Variants in ACYP2 observed in about 807,000 individuals in gnomAD.
The protein encoded by ACYP2 is acylphosphatase-2.
ACYP2 carries 12 observed loss-of-function variants against 11.2 expected under a neutral mutation model. The ratio of observed to expected loss-of-function variants is 1.08; its 90% CI spans 0.69 to 1.74. The LOEUF is 1.74. ACYP2 is among the 40% of genes most tolerant of loss of function. The pLI is 0.00. For synonymous variants in ACYP2, 43 were observed against 32.2 expected, an observed-to-expected ratio of 1.33 and a Z score of -1.13; for missense variants, 134 against 101.9, an observed-to-expected ratio of 1.31 and a Z score of -1.35.
intron 2 of ACYP2, among the ~76,000 whole-genome samples, chr2:54,021,467 C>A (rs1052221920): frequency 1.3e-5 from 2 of 152,156 alleles, no homozygotes; most frequent in Non-Finnish European, 2.9e-5. Flanking sequence ...AGTCTAAAAT[C>A]TTTGAAGAGG....
chr2:54,193,378 A>G (rs1684318581), intron 6 of ACYP2, among the ~76,000 whole-genome samples: 1 of 152,166 alleles, frequency 6.6e-6, no homozygotes, highest in Admixed American at 6.5e-5. Context: ...TGATAGAAGG[A>G]AATGTAAGTT....
At chr2:54,086,393 G>C (rs1677948546) in intron 4 of ACYP2, among the ~76,000 whole-genome samples, 1 of 152,190 alleles carries the variant, frequency 6.6e-6, no homozygotes, top group Non-Finnish European at 1.5e-5. Flanking sequence ...GTGAGCTGTG[G>C]GGAGGACTTC....
At chr2:54,109,666 A>G (rs1679351756) in intron 4 of ACYP2, among the ~76,000 whole-genome samples, 1 of 152,200 alleles carries the variant, frequency 6.6e-6, no homozygotes, top group East Asian at 1.9e-4. Context: ...TATTATGAAA[A>G]CATATAATAG....
intron 6 of ACYP2, among the ~76,000 whole-genome samples, chr2:54,214,622 G>C (rs1285876322): frequency 1.3e-5 from 2 of 152,104 alleles, no homozygotes; most frequent in Non-Finnish European, 2.9e-5. Context: ...TACCAGTATA[G>C]CACACTTTTG....
At chr2:54,167,267 A>G (rs566385357) in intron 6 of ACYP2, among the ~76,000 whole-genome samples, 53 of 152,352 alleles carry the variant, frequency 3.5e-4, no homozygotes, top group Non-Finnish European at 6.8e-4. Context: ...CAACTGAGAA[A>G]TTTGATAAGG....
chr2:54,212,838 A>T (rs941102153), intron 6 of ACYP2, among the ~76,000 whole-genome samples: 4 of 152,234 alleles, frequency 2.6e-5, no homozygotes, highest in Non-Finnish European at 5.9e-5. Context: ...AATGTAAAGA[A>T]GTAAATTTAA....
At chr2:54,149,548 A>C (rs1462715542) in intron 6 of ACYP2, among the ~76,000 whole-genome samples, 3 of 152,076 alleles carry the variant, frequency 2.0e-5, no homozygotes, top group Non-Finnish European at 2.9e-5. Context: ...GTTTCTTAGT[A>C]ATCATGTTAA....
intron 6 of ACYP2, among the ~76,000 whole-genome samples, chr2:54,173,525 G>A (rs1463637680): frequency 6.6e-6 from 1 of 151,886 alleles, no homozygotes; most frequent in Non-Finnish European, 1.5e-5. Context: ...TTCTTTTGAT[G>A]TGCAGCTCTT....
intron 6 of ACYP2, among the ~76,000 whole-genome samples, chr2:54,248,962 G>A (rs1433552047): frequency 6.6e-6 from 1 of 152,094 alleles, no homozygotes; most frequent in East Asian, 1.9e-4. Flanking sequence ...GGAACATCAT[G>A]AGCAAAGGCA....
intron 2 of ACYP2, among the ~76,000 whole-genome samples, chr2:54,041,182 T>C (rs1229604145): frequency 6.6e-6 from 1 of 151,990 alleles, no homozygotes; most frequent in African/African-American, 2.4e-5. Context: ...CCTGGCATCA[T>C]GCAATCTGCC....
At chr2:54,259,138 TGGTA>T (rs573565125) in intron 6 of ACYP2, among the ~76,000 whole-genome samples, 114 of 152,304 alleles carry the variant, frequency 7.5e-4, no homozygotes, top group Non-Finnish European at 1.5e-3. Flanking sequence ...CATGAGCAAC[TGGTA>T]GGATGGAGTT....
At chr2:54,040,464 T>C (rs1192643296) in intron 2 of ACYP2, among the ~76,000 whole-genome samples, 1 of 151,800 alleles carries the variant, frequency 6.6e-6, no homozygotes, top group Non-Finnish European at 1.5e-5. Context: ...GTTCAAGTCA[T>C]GAGACTAGAG....
chr2:54,048,908 A>T (rs1270649594), intron 2 of ACYP2, among the ~76,000 whole-genome samples: 3 of 152,206 alleles, frequency 2.0e-5, no homozygotes, highest in Non-Finnish European at 4.4e-5. Context: ...AGCAGGAAGC[A>T]ACAGCAGGGA....
intron 6 of ACYP2, among the ~76,000 whole-genome samples, chr2:54,200,129 T>C (rs1322622695): frequency 6.6e-6 from 1 of 152,178 alleles, no homozygotes; most frequent in Non-Finnish European, 1.5e-5. Flanking sequence ...TTGGAAGATG[T>C]GGAGTCAAAA....
chr2:54,219,905 A>ATATATAT (rs1288814375), intron 6 of ACYP2, among the ~76,000 whole-genome samples: 15 of 75,988 alleles, frequency 2.0e-4, no homozygotes, highest in African/African-American at 6.2e-4. Context: ...ATATATATAT[A>ATATATAT]TTTTTTTTTT....
chr2:54,214,777 T>C lies in ACYP2; in HGVS notation c.404+76029T>C, dbSNP rs184256768. Among the ~76,000 whole-genome samples the C allele has an allele frequency of 4.1e-3, 618 of 152,328 alleles. 6 individuals carry two copies. The highest frequency in any genetic ancestry group is 0.014 in the African/African-American group (590 of 41,576). On this transcript the variant is annotated intron_variant, in intron 6 of 6. Transcript: ENST00000607452. The stretch of plus-strand genomic sequence containing the variant: ...TGAATTTTAGAAGAGTTTTTTCTAA[T>C]TCTGTGAAAAATGTCATTGGTAGTT...
intron 6 of ACYP2, among the ~76,000 whole-genome samples, chr2:54,289,757 A>C (rs1248326721): frequency 6.6e-6 from 1 of 151,896 alleles, no homozygotes; most frequent in African/African-American, 2.4e-5. Flanking sequence ...ACATAGGAGA[A>C]TCTAAAAAAA....
chr2:54,295,202 C>T (rs1176459048), intron 6 of ACYP2, among the ~76,000 whole-genome samples: 1 of 152,064 alleles, frequency 6.6e-6, no homozygotes, highest in Non-Finnish European at 1.5e-5. Context: ...CAAAAAAATG[C>T]AATAATATTG....
intron 4 of ACYP2, among the ~76,000 whole-genome samples, chr2:54,129,137 C>G (rs530746280): frequency 6.6e-6 from 1 of 152,218 alleles, no homozygotes; most frequent in African/African-American, 2.4e-5. Flanking sequence ...CATGATGCAG[C>G]TAACATGATG....
Sources: allele counts gnomAD v4.1 joint callset (sites outside exome capture counted in the v4.1 genomes callset), GRCh38; gene constraint gnomAD v4.1.1; transcripts MANE v1.5; gene names NCBI Gene and HGNC (gene_info 2026-07-23, HGNC 2026-07-21).